The following SH3BGR variants were observed in gnomAD, a reference collection of about 807,000 sequenced individuals.
SH3BGR encodes the protein SH3 domain binding glutamate rich protein.
A neutral mutation model predicts 24.5 loss-of-function variants in SH3BGR; 29 were observed. The observed-to-expected ratio is 1.18, with a 90% confidence interval of 0.88 to 1.61. The LOEUF (loss-of-function observed/expected upper bound fraction) is 1.61. Among genes scored for constraint, SH3BGR ranks in the 40% most tolerant of loss-of-function variants. The pLI, the probability that SH3BGR is intolerant of heterozygous loss-of-function variation, is 0.00. For missense variants in SH3BGR, 162 were observed against 205.8 expected (o/e 0.79, Z 1.30); for synonymous variants, 55 against 65.7 (o/e 0.84, Z 0.79).
chr21:39,459,198 A>G (rs1201324845), intron 1 of SH3BGR, among the ~76,000 whole-genome samples: 1 of 144,474 alleles, frequency 6.9e-6, no homozygotes, highest in Non-Finnish European at 1.5e-5. Flanking sequence ...CTCCCTACCT[A>G]CCTTCCTTCC....
intron 3 of SH3BGR, among the ~76,000 whole-genome samples, chr21:39,490,744 T>C (rs2123460807): frequency 3.2e-5 from 1 of 31,054 alleles, no homozygotes; most frequent in Non-Finnish European, 7.9e-5. Flanking sequence ...TGTGCATTTT[T>C]TTTTTTTTTT....
intron 3 of SH3BGR, among the ~76,000 whole-genome samples, chr21:39,492,468 A>G (rs781141767): frequency 0.014 from 1,624 of 115,168 alleles, 30 homozygotes; most frequent in East Asian, 0.023. Flanking sequence ...GTGTGTGTGT[A>G]TATATATATA....
At chr21:39,479,831 C>T (rs992895896) in intron 3 of SH3BGR, among the ~76,000 whole-genome samples, 4 of 151,570 alleles carry the variant, frequency 2.6e-5, no homozygotes, top group East Asian at 3.9e-4. Context: ...TATTACTCAA[C>T]GATTCCCTTT....
At chr21:39,499,330 G>T (rs547067045) in intron 3 of SH3BGR, among the ~76,000 whole-genome samples, 23 of 143,740 alleles carry the variant, frequency 1.6e-4, no homozygotes, top group Middle Eastern at 3.6e-3. Flanking sequence ...CCATTCCTCC[G>T]TCTGTCTGTC....
At chr21:39,469,866 G>C (rs913753200) in intron 2 of SH3BGR, among the ~76,000 whole-genome samples, 5 of 152,030 alleles carry the variant, frequency 3.3e-5, no homozygotes, top group African/African-American at 1.2e-4. Context: ...ATGTTGGCCA[G>C]GTTGGTCTTG....
At chr21:39,451,690 C>T, upstream of SH3BGR, 1 of 576,176 alleles carries the variant, frequency 1.7e-6, no homozygotes, top group East Asian at 3.1e-5. Flanking sequence ...CTTCTTTCGC[C>T]TCCTGCTGCT....
At position 39,453,045 on chromosome 21, in the gene SH3BGR, T is replaced by C. The variant is rs538907558; in HGVS notation, c.45+904T>C. On this transcript the variant is annotated intron_variant, in intron 1 of 6. Coordinates refer to ENST00000333634, the MANE Select transcript of SH3BGR (RefSeq NM_007341.3). ...GGCTGTTCCTTTTATATCTAGTTTC[T>C]GGAGGATCTCAGGTTTCGGCTGGGA... 4.6e-5 allele frequency among the ~76,000 whole-genome samples: 7 copies of C among 152,326 alleles called. No homozygotes were observed. The South Asian group carries it at 1.2e-3, about 27-fold the overall frequency.
At chr21:39,508,799 G>A (rs1178567763) in intron 4 of SH3BGR, among the ~76,000 whole-genome samples, 199 bp from the exon 5 acceptor site, 4 of 152,116 alleles carry the variant, frequency 2.6e-5, no homozygotes, top group Non-Finnish European at 4.4e-5. Flanking sequence ...GTTATTTTAA[G>A]AGCTTGAAAT....
At chr21:39,512,938 G>A (rs930673855) in intron 6 of SH3BGR, among the ~76,000 whole-genome samples, 15 of 152,174 alleles carry the variant, frequency 9.9e-5, no homozygotes, top group Non-Finnish European at 1.6e-4. Flanking sequence ...AACTGAATTT[G>A]AGGCCATAGT....
At chr21:39,491,380 C>T (rs912709008) in intron 3 of SH3BGR, among the ~76,000 whole-genome samples, 2 of 151,860 alleles carry the variant, frequency 1.3e-5, no homozygotes, top group Admixed American at 1.3e-4. Context: ...GAACTCCTGA[C>T]CTCAAGTAAT....
At chr21:39,459,665 T>G (rs1006267909) in intron 1 of SH3BGR, among the ~76,000 whole-genome samples, 5 of 152,146 alleles carry the variant, frequency 3.3e-5, no homozygotes, top group Non-Finnish European at 7.4e-5. Flanking sequence ...TAGCTGGGAC[T>G]ACAGGCATGC....
intron 3 of SH3BGR, among the ~76,000 whole-genome samples, chr21:39,496,713 T>A (rs2078403741): frequency 6.6e-6 from 1 of 152,088 alleles, no homozygotes; most frequent in Admixed American, 6.5e-5. Flanking sequence ...AGGAAAAGTA[T>A]CCCATTCATG....
intron 2 of SH3BGR, among the ~76,000 whole-genome samples, chr21:39,463,306 G>C (rs2077786347): frequency 6.6e-6 from 1 of 152,158 alleles, no homozygotes; most frequent in Non-Finnish European, 1.5e-5. Flanking sequence ...CAACAATTTT[G>C]TTTTATACAT....
At chr21:39,473,943 C>T (rs1270693157) in intron 2 of SH3BGR, among the ~76,000 whole-genome samples, 1 of 151,552 alleles carries the variant, frequency 6.6e-6, no homozygotes, top group African/African-American at 2.4e-5. Flanking sequence ...TTCTCAACAG[C>T]TGTGACCTGT....
At chr21:39,462,603 T>G in intron 2 of SH3BGR, 43 bp downstream of exon 2, 1 of 1,380,918 alleles carries the variant, frequency 7.2e-7, no homozygotes, top group Non-Finnish European at 9.6e-7. Context: ...TGTGTGTGTT[T>G]ATTAGAAATT....
chr21:39,492,485 C>CACACACATATATATATAT (rs2078321244), intron 3 of SH3BGR, among the ~76,000 whole-genome samples: 3 of 70,504 alleles, frequency 4.3e-5, no homozygotes, highest in Admixed American at 4.4e-4. Context: ...TATATATACA[C>CACACACATATATATATAT]ACACACACAC....
chr21:39,471,800 T>G (rs2077945957), intron 2 of SH3BGR, among the ~76,000 whole-genome samples: 1 of 152,162 alleles, frequency 6.6e-6, no homozygotes, highest in Non-Finnish European at 1.5e-5. Context: ...ATTAGCTAAT[T>G]TTCTCTTCAC....
intron 4 of SH3BGR, among the ~76,000 whole-genome samples, chr21:39,502,828 G>T (rs975891458): frequency 1.3e-5 from 2 of 152,160 alleles, no homozygotes; most frequent in African/African-American, 2.4e-5. Context: ...TTCTGACCGC[G>T]GACGCTGCTG....
Position 39,511,322 on chromosome 21 carries a change from G to T in SH3BGR, c.436-358G>T, listed in dbSNP as rs533973909. ...TGGTATATGTGATGTGGTGTGTGGGGTGTGTGGTCTGGTGTGTGTGTGTGC... is the reference window on the plus strand; with the variant it reads ...TGGTATATGTGATGTGGTGTGTGGGTTGTGTGGTCTGGTGTGTGTGTGTGC... On this transcript the variant is annotated intron_variant, in intron 5 of 6. Transcript: ENST00000333634. The surrounding 1 kb of genome is among the most constrained non-coding windows in gnomAD (Gnocchi z 4.2). 2.7e-5 allele frequency among the ~76,000 whole-genome samples: 4 copies of T among 150,716 alleles called. No homozygotes were observed. The highest frequency in any genetic ancestry group is 7.3e-5 in the African/African-American group (3 of 41,076).
Sources: gnomAD v4.1 joint callset for allele counts (sites outside exome capture counted in the v4.1 genomes callset) on GRCh38, gnomAD v4.1.1 for gene constraint, Gnocchi (gnomAD v3.1) non-coding constraint, MANE v1.5 for transcripts, NCBI Gene and HGNC (gene_info 2026-07-23, HGNC 2026-07-21) for gene names.